Variants in HHAT observed in about 807,000 individuals in gnomAD.
HHAT encodes the protein protein-cysteine N-palmitoyltransferase HHAT.
In HHAT, 47 loss-of-function variants were observed where a neutral mutation model predicts 70.8. The observed-to-expected ratio is 0.66, with a 90% CI of 0.53 to 0.85. The LOEUF (loss-of-function observed/expected upper bound fraction) is 0.85. Among genes scored for constraint, HHAT ranks in the 40% least tolerant of loss-of-function variants. The probability of loss-of-function intolerance (pLI) is 0.00; values close to 1 mark genes in which losing one functional copy is unlikely to be tolerated. For synonymous variants in HHAT, 228 were observed against 247.6 expected (o/e 0.92, Z 0.74); for missense variants, 609 against 604.8 (o/e 1.01, Z -0.07).
chr1:210,464,723 C>A, intron 8 of HHAT, 68 bp downstream of exon 8: 2 of 1,562,916 alleles, frequency 1.3e-6, no homozygotes, highest in Non-Finnish European at 1.8e-6. Context: ...GGGCCGGCCT[C>A]AAAGGGTTCG....
At chr1:210,338,778 C>T (rs2085741023) in intron 1 of HHAT, among the ~76,000 whole-genome samples, 1 of 152,162 alleles carries the variant, frequency 6.6e-6, no homozygotes, top group Admixed American at 6.5e-5. Flanking sequence ...GTCTCCATGC[C>T]TTTAGTTCCA....
chr1:210,639,656 C>T (rs1331046165), intron 11 of HHAT, among the ~76,000 whole-genome samples: 4 of 152,194 alleles, frequency 2.6e-5, no homozygotes, highest in African/African-American at 4.8e-5. Flanking sequence ...CTTTCAGTGG[C>T]GCAGTGCAGG....
intron 8 of HHAT, among the ~76,000 whole-genome samples, chr1:210,493,418 T>C (rs1228385514): frequency 6.6e-6 from 1 of 152,180 alleles, no homozygotes. Flanking sequence ...GGGTCCTCGG[T>C]CTTTTCTCTT....
chr1:210,458,526 G>C (rs2093916469), intron 7 of HHAT, among the ~76,000 whole-genome samples: 1 of 152,146 alleles, frequency 6.6e-6, no homozygotes, highest in Non-Finnish European at 1.5e-5. Context: ...TAAGAAATAT[G>C]GCACTTAGAT....
chr1:210,519,666 A>G (rs1401123197), intron 9 of HHAT, among the ~76,000 whole-genome samples: 1 of 147,640 alleles, frequency 6.8e-6, no homozygotes, highest in Non-Finnish European at 1.5e-5. Context: ...AGCTGGGGCT[A>G]CAGGCATATA....
intron 10 of HHAT, 117 bp from the exon 11 acceptor site, chr1:210,623,409 C>T: frequency 3.7e-6 from 4 of 1,088,076 alleles, no homozygotes; most frequent in Non-Finnish European, 5.4e-6. Context: ...AAATAATGAC[C>T]TGGTTTGGGC....
intron 4 of HHAT, among the ~76,000 whole-genome samples, chr1:210,392,842 T>C (rs796172669): frequency 1.3e-5 from 2 of 152,282 alleles, no homozygotes; most frequent in African/African-American, 2.4e-5. Flanking sequence ...GCATGACTGA[T>C]ATTAATAACC....
At chr1:210,429,240 A>G (rs533895520) in intron 7 of HHAT, among the ~76,000 whole-genome samples, 26 of 151,850 alleles carry the variant, frequency 1.7e-4, no homozygotes, top group African/African-American at 5.6e-4. Context: ...CCTAACTACA[A>G]TTACATATCA....
At chr1:210,346,364 G>T (rs932884569) in intron 1 of HHAT, among the ~76,000 whole-genome samples, 2 of 152,152 alleles carry the variant, frequency 1.3e-5, no homozygotes, top group African/African-American at 4.8e-5. Flanking sequence ...TATAAGCCAA[G>T]AAGTTAAAAT....
chr1:210,428,952 C>A (rs544866675), intron 7 of HHAT, among the ~76,000 whole-genome samples: 1 of 151,978 alleles, frequency 6.6e-6, no homozygotes, highest in South Asian at 2.1e-4. Context: ...CTCTAGCAGC[C>A]TGGGCAACAG....
intron 9 of HHAT, among the ~76,000 whole-genome samples, chr1:210,556,991 G>A (rs1016852044): frequency 6.6e-6 from 1 of 152,214 alleles, no homozygotes; most frequent in African/African-American, 2.4e-5. Context: ...GGACCCAGAT[G>A]TGAGGCTTCC....
chr1:210,373,980 G>C (rs960301946), intron 3 of HHAT, among the ~76,000 whole-genome samples: 3 of 152,198 alleles, frequency 2.0e-5, no homozygotes, highest in Admixed American at 2.0e-4. Context: ...ACCAGGGAAA[G>C]TTACACAGAC....
rs2091528261 is a variant in HHAT at position 210,392,607 on chromosome 1, A to G, written c.273+5026A>G. Among the ~76,000 whole-genome samples the G allele has an allele frequency of 4.6e-5, 7 of 152,176 alleles. No individual in the cohort carries two copies. In the South Asian group the frequency reaches 1.4e-3, roughly 32 times the overall value. On this transcript the variant is annotated intron_variant, in intron 4 of 11. Transcript: ENST00000261458. ...ATAAAATATAGTACTAATCTTCTAC[A>G]AATGTTAAATTATTAAAAAAATAAT...
intron 3 of HHAT, among the ~76,000 whole-genome samples, chr1:210,367,504 C>T (rs1043349817): frequency 6.6e-6 from 1 of 152,144 alleles, no homozygotes; most frequent in Admixed American, 6.5e-5. Flanking sequence ...GGGGGCTGAC[C>T]TTCACCTGAG....
At chr1:210,541,517 A>T (rs1035045150) in intron 9 of HHAT, among the ~76,000 whole-genome samples, 1 of 152,176 alleles carries the variant, frequency 6.6e-6, no homozygotes, top group African/African-American at 2.4e-5. Flanking sequence ...ACTTGAGGTC[A>T]GGAGTTTGAG....
intron 7 of HHAT, among the ~76,000 whole-genome samples, chr1:210,458,586 C>T (rs1010977391): frequency 2.6e-5 from 4 of 151,906 alleles, no homozygotes. Flanking sequence ...AGAGTTTTGA[C>T]AGACAAAATG....
At chr1:210,429,278 C>A (rs965409014) in intron 7 of HHAT, among the ~76,000 whole-genome samples, 5 of 151,776 alleles carry the variant, frequency 3.3e-5, no homozygotes, top group African/African-American at 9.7e-5. Context: ...TTTCTAATAT[C>A]TAATATCTAG....
rs112318549 is a variant in HHAT, at chr1:210,389,302, C to T, written c.273+1721C>T. Among the ~76,000 whole-genome samples the T allele has an allele frequency of 4.8e-3, 738 of 152,292 alleles. 5 individuals are homozygous for T. Among genetic ancestry groups the T allele is most frequent in the African/African-American group, 0.017 (690 of 41,546 alleles). ...CTGGTGAGGGCCTTCTTGCTGACAT[C>T]GCGGCAATCCTGAGGCAGTGCAGGA... On this transcript the variant is annotated intron_variant, in intron 4 of 11. Transcript: ENST00000261458.
Position 210,400,485 on chromosome 1 carries a change from C to T in HHAT, c.291C>T (p.Leu97=). ...ATTTGCAGCACAGACCCTGGATTCT[C>T]ATGCTCTATGGGATGTGGGCCTGCT... ...LLARKHRPWI[L]MLYGMWACWC... is the part of the protein sequence containing the mutation. The change falls in exon 5 of 12, where the codon CTC becomes CTT. Residue 97 remains leucine (L), a synonymous_variant. Transcript: ENST00000261458. The T allele has an allele frequency of 1.2e-6, 2 of 1,612,578 alleles. No homozygotes were observed. The highest frequency in any genetic ancestry group is 2.2e-5 in the East Asian group (1 of 44,874).
Sources: gnomAD v4.1 joint callset for allele counts (sites outside exome capture counted in the v4.1 genomes callset) on GRCh38, gnomAD v4.1.1 for gene constraint, MANE v1.5 for transcripts, NCBI Gene and HGNC (gene_info 2026-07-23, HGNC 2026-07-21) for gene names.